The following MAK variants were observed in gnomAD, a reference collection of about 807,000 sequenced individuals.
MAK encodes the protein male germ cell associated kinase.
Under a neutral mutation model 82.6 loss-of-function variants are expected in MAK, and 65 were observed. The observed-to-expected ratio is 0.79, with a 90% CI of 0.64 to 0.97. The LOEUF (loss-of-function observed/expected upper bound fraction) is 0.97. MAK is among the 50% of genes least tolerant of loss of function. MAK has a pLI of 0.00. For synonymous variants in MAK, 250 were observed against 274.2 expected (o/e 0.91, Z 0.87); for missense variants, 703 against 780.2 (o/e 0.90, Z 1.18).
At chr6:10,822,191 C>A (rs1445863012) in intron 2 of MAK, among the ~76,000 whole-genome samples, 1 of 148,944 alleles carries the variant, frequency 6.7e-6, no homozygotes, top group Non-Finnish European at 1.5e-5. Flanking sequence ...CGGTGGCTCA[C>A]ACCTGTAATC....
chr6:10,766,039 G>T (rs186893465), intron 14 of MAK, among the ~76,000 whole-genome samples: 1 of 152,262 alleles, frequency 6.6e-6, no homozygotes, highest in East Asian at 1.9e-4. Flanking sequence ...CCTCCTTCAC[G>T]CTTTCCTCAC....
chr6:10,798,114 C>CTTTTTTTTTTTTTTT (rs554907132), intron 8 of MAK: 1 of 138,284 alleles, frequency 7.2e-6, no homozygotes, highest in African/African-American at 3.0e-5. Context: ...CAACTCTTCC[C>CTTTTTTTTTTTTTTT]TTTTTTTTTT....
At chr6:10,827,036 A>AG (rs1202252039) in intron 2 of MAK, among the ~76,000 whole-genome samples, 1 of 152,152 alleles carries the variant, frequency 6.6e-6, no homozygotes, top group Non-Finnish European at 1.5e-5. Context: ...GCTTGAACCC[A>AG]GGAGGCAGAG....
chr6:10,794,414 CAAAT>C (rs753349995), intron 9 of MAK, among the ~76,000 whole-genome samples: 7 of 152,058 alleles, frequency 4.6e-5, no homozygotes, highest in Non-Finnish European at 7.4e-5. Context: ...GAGGAAGAGA[CAAAT>C]AAACAATAAA....
intron 2 of MAK, among the ~76,000 whole-genome samples, chr6:10,821,349 C>T (rs996617674): frequency 6.6e-6 from 1 of 152,164 alleles, no homozygotes; most frequent in Admixed American, 6.5e-5. Flanking sequence ...GATCTCGGCT[C>T]ACTGTTACCT....
At chr6:10,835,744 C>T (rs2127594463) in intron 1 of MAK, among the ~76,000 whole-genome samples, 1 of 152,250 alleles carries the variant, frequency 6.6e-6, no homozygotes, top group East Asian at 1.9e-4. Flanking sequence ...AGGGAGCTGC[C>T]TCTGGTTGCA....
At chr6:10,765,604 G>A (rs1023877784) in intron 14 of MAK, among the ~76,000 whole-genome samples, 1 of 151,716 alleles carries the variant, frequency 6.6e-6, no homozygotes, top group African/African-American at 2.4e-5. Context: ...GGATTACAGG[G>A]GCGCACCACC....
chr6:10,820,697 T>C (rs1777882102), intron 2 of MAK, among the ~76,000 whole-genome samples: 1 of 152,202 alleles, frequency 6.6e-6, no homozygotes, highest in South Asian at 2.1e-4. Flanking sequence ...AGAATTTCAT[T>C]TGCAGTTACT....
rs1452637888 is a variant in MAK at position 10,784,446 on chromosome 6, CAAG to C, written c.1440_1442del (p.Tyr480_Leu481delinsTer). The C allele has an allele frequency of 6.2e-7, 1 of 1,614,160 alleles. No individual in the cohort carries two copies. Among genetic ancestry groups the C allele is most frequent in the Non-Finnish European group, 8.5e-7 (1 of 1,180,026 alleles). ...TACCTGGAAGATATCTTGATTGTTT[CAAG>C]TAGTACTGTTTAGAGGTTGGAGCAG... is the stretch of plus-strand genomic sequence containing the variant. On this transcript the variant is annotated stop_gained and inframe_deletion, in exon 11 of 15. Coordinates refer to ENST00000354489, the MANE Select transcript of MAK (RefSeq NM_001242957.3). LOFTEE classifies it high-confidence loss of function.
chr6:10,771,678 G>A (rs1303122748), intron 13 of MAK, among the ~76,000 whole-genome samples: 1 of 152,206 alleles, frequency 6.6e-6, no homozygotes, highest in Non-Finnish European at 1.5e-5. Flanking sequence ...ACAGGTGTCT[G>A]CTCTTGAAGC....
chr6:10,813,151 T>A lies in MAK; in HGVS notation c.358+493A>T, dbSNP rs1226617268. Among the ~76,000 whole-genome samples the A allele has an allele frequency of 2.2e-4, 10 of 46,180 alleles. 2 individuals are homozygous for A. The highest frequency in any genetic ancestry group is 1.3e-3 in the African/African-American group (9 of 6,756). The allele number at this position is 46,180 out of a possible 152,430, so 30.3% of individuals were successfully genotyped here. On this transcript the variant is annotated intron_variant, in intron 5 of 14. Transcript: ENST00000354489. Reference sequence around the variant, plus strand: ...ATATATATAAATTTTTTTTTTTTTTTTTTTTTTTTTTTTTTGAGATGGAGT... The same window carrying A: ...ATATATATAAATTTTTTTTTTTTTTATTTTTTTTTTTTTTTGAGATGGAGT...
intron 4 of MAK, among the ~76,000 whole-genome samples, chr6:10,814,449 G>A (rs570210553): frequency 3.4e-5 from 5 of 146,714 alleles, no homozygotes; most frequent in South Asian, 2.2e-4. Context: ...TGGGAGGATC[G>A]CTTAAGCCCA....
In MAK at chr6:10,762,913, A is replaced by G. The variant is rs1413310535; in HGVS notation, c.*1539T>C. ...ACAGTTGACTCTTCTATACAAAAAT[A>G]TCATTATTATTTTATAATATGCCTT... On this transcript the variant is annotated 3_prime_UTR_variant, in exon 15 of 15. Coordinates refer to ENST00000354489, the MANE Select transcript of MAK (RefSeq NM_001242957.3). 6.6e-6 allele frequency: 1 copy of G among 152,630 alleles called. No individual in the cohort carries two copies. The highest frequency in any genetic ancestry group is 2.4e-5 in the African/African-American group (1 of 41,448). 9.5% of individuals were successfully genotyped at this position (152,630 alleles called of 1,614,324 possible). A position where few individuals can be genotyped will look rare whatever the true frequency, so the allele number is the denominator to read the frequency against.
Position 10,764,586 on chromosome 6 carries a change from T to C in MAK, c.1813A>G (p.Thr605Ala), listed in dbSNP as rs1180802956. 6.2e-7 allele frequency: 1 copy of C among 1,613,760 alleles called. No homozygotes were observed. ...TASEYTWNTK[T>A]GRGQFSGRTY... ...CGTCCTGAAAACTGCCCCCGACCAGTTTTTGTGTTCCAGGTATATTCTGAA... is the reference window on the plus strand; with the variant it reads ...CGTCCTGAAAACTGCCCCCGACCAGCTTTTGTGTTCCAGGTATATTCTGAA... Residue 605 changes from threonine to alanine, a missense_variant, in exon 15 of 15, where the codon ACT (threonine) becomes GCT (alanine). Transcript: ENST00000354489.
intron 2 of MAK, among the ~76,000 whole-genome samples, chr6:10,819,807 C>T (rs1777784588): frequency 6.6e-6 from 1 of 151,556 alleles, no homozygotes; most frequent in African/African-American, 2.4e-5. Context: ...CCATACAAAA[C>T]AGGGGATAAT....
At chr6:10,777,120 C>A (rs1318342320) in intron 11 of MAK, among the ~76,000 whole-genome samples, 1 of 151,618 alleles carries the variant, frequency 6.6e-6, no homozygotes, top group Non-Finnish European at 1.5e-5. Flanking sequence ...ATTAAAACAT[C>A]TTTAGGCCAG....
At chr6:10,782,820 C>T (rs1222838766) in intron 11 of MAK, among the ~76,000 whole-genome samples, 2 of 152,066 alleles carry the variant, frequency 1.3e-5, no homozygotes, top group Non-Finnish European at 2.9e-5. Context: ...TCAGGTGATC[C>T]GCCCACCTCG....
rs56217305 is a variant in MAK at position 10,770,180 on chromosome 6, A to G, written c.1723T>C (p.Phe575Leu). ...GCTGACTGCACTTCTTTTTTGAGAAAGGAAGGAATATATCCTGACTGATTG... is the reference window on the plus strand; with the variant it reads ...GCTGACTGCACTTCTTTTTTGAGAAGGGAAGGAATATATCCTGACTGATTG... ...TYNQSGYIPS[F>L]LKKEVQSAGQ... is the part of the protein sequence containing the mutation. Residue 575 changes from phenylalanine to leucine, a missense_variant, in exon 14 of 15, where the codon TTT (phenylalanine) becomes CTT (leucine). Coordinates refer to ENST00000354489, the MANE Select transcript of MAK (RefSeq NM_001242957.3). The G allele has an allele frequency of 1.3e-4, 214 of 1,614,188 alleles. No individual in the cohort carries two copies. In the African/African-American group the frequency reaches 2.5e-3, roughly 19 times the overall value.
chr6:10,836,841 G>A (rs1779176964), intron 1 of MAK, among the ~76,000 whole-genome samples: 1 of 151,966 alleles, frequency 6.6e-6, no homozygotes, highest in Non-Finnish European at 1.5e-5. Flanking sequence ...CCTTCCTATG[G>A]GTTAAAGAAA....
Sources: gnomAD v4.1 joint callset for allele counts (sites outside exome capture counted in the v4.1 genomes callset) on GRCh38, gnomAD v4.1.1 for gene constraint, MANE v1.5 for transcripts, NCBI Gene and HGNC (gene_info 2026-07-23, HGNC 2026-07-21) for gene names.